LMX1B: variants seen among roughly 807,000 people sequenced by gnomAD.
LMX1B encodes LIM homeobox transcription factor 1-beta.
In LMX1B, 12 loss-of-function variants were observed where a neutral mutation model predicts 51.4. That is an observed-to-expected ratio of 0.23 (90% CI 0.15 to 0.38). The LOEUF is 0.38. Ranked by LOEUF, LMX1B falls within the 10% of genes least tolerant of loss-of-function variation. The pLI, the probability that LMX1B is intolerant of heterozygous loss-of-function variation, is 1.00. For synonymous variants in LMX1B, 237 were observed against 235.4 expected, an observed-to-expected ratio of 1.01 and a Z score of -0.06; for missense variants, 445 against 571.1, an observed-to-expected ratio of 0.78 and a Z score of 2.25.
intron 2 of LMX1B, among the ~76,000 whole-genome samples, chr9:126,681,412 G>C (rs1053543954): frequency 8.5e-5 from 13 of 152,240 alleles, no homozygotes; most frequent in African/African-American, 3.1e-4. Flanking sequence ...CGGATGCTCA[G>C]CCAGGAGATC....
In LMX1B at chr9:126,690,815, G is replaced by A. The variant is rs767716334; in HGVS notation, c.327-21G>A. The A allele has an allele frequency of 9.5e-6, 15 of 1,587,070 alleles. No homozygotes were observed. In the African/African-American group the frequency reaches 1.5e-4, roughly 16 times the overall value. ...AGGGACTTCTGAGCACCGCCAACACGCCCGCTTTGTGCATCCGCAGGCTCT... is the reference window on the plus strand; with the variant it reads ...AGGGACTTCTGAGCACCGCCAACACACCCGCTTTGTGCATCCGCAGGCTCT... On this transcript the variant is annotated intron_variant, in intron 2 of 7. Coordinates refer to ENST00000373474, the MANE Select transcript of LMX1B (RefSeq NM_001174147.2).
chr9:126,616,942 G>A (rs1430376924), intron 2 of LMX1B, among the ~76,000 whole-genome samples: 1 of 152,214 alleles, frequency 6.6e-6, no homozygotes, highest in African/African-American at 2.4e-5. Context: ...AGGGATTGGA[G>A]TCCATTCAGA....
intron 2 of LMX1B, among the ~76,000 whole-genome samples, chr9:126,659,872 A>T (rs1236266516): frequency 1.6e-5 from 2 of 127,246 alleles, no homozygotes; most frequent in African/African-American, 6.2e-5. Flanking sequence ...GGCCTTAGAG[A>T]TTGTCCTATC....
At chr9:126,628,410 A>G (rs1425950819) in intron 2 of LMX1B, among the ~76,000 whole-genome samples, 2 of 152,116 alleles carry the variant, frequency 1.3e-5, no homozygotes, top group African/African-American at 4.8e-5. Context: ...ATCCTGGGGG[A>G]AAAAAGAGTT....
Position 126,615,708 on chromosome 9 carries a change from T to C in LMX1B, c.326+139T>C, listed in dbSNP as rs1835291496. 1 of 753,968 alleles carries C rather than the reference T, an allele frequency of 1.3e-6. No individual in the cohort carries two copies. Among genetic ancestry groups the C allele is most frequent in the Admixed American group, 3.9e-5 (1 of 25,652 alleles). 46.7% of individuals were successfully genotyped at this position (753,968 alleles called of 1,614,324 possible). On this transcript the variant is annotated intron_variant, in intron 2 of 7. Transcript: ENST00000373474. This position sits in a 1 kb window ranked among gnomAD's most constrained non-coding sequence, Gnocchi z 6.0. ...GGGCAGCTCCAAGGGTTCCGAGAGCTGCGCGTCTTGGGGCTGGGGCGGACC... is the reference window on the plus strand; with the variant it reads ...GGGCAGCTCCAAGGGTTCCGAGAGCCGCGCGTCTTGGGGCTGGGGCGGACC...
intron 2 of LMX1B, among the ~76,000 whole-genome samples, chr9:126,651,141 C>G (rs762578212): frequency 2.6e-5 from 4 of 152,124 alleles, no homozygotes; most frequent in African/African-American, 7.2e-5. Context: ...CTCTCTCTCT[C>G]TCTCCCTCCC....
rs535886274 is a variant in LMX1B at position 126,640,626 on chromosome 9, G to T, written c.326+25057G>T. 10 of 152,478 alleles carry T rather than the reference G, an allele frequency of 6.6e-5. No homozygotes were observed. In the East Asian group the frequency reaches 1.9e-3, roughly 29 times the overall value. 9.4% of individuals were successfully genotyped at this position (152,478 alleles called of 1,614,324 possible). A position where few individuals can be genotyped will look rare whatever the true frequency, so the allele number is the denominator to read the frequency against. On this transcript the variant is annotated intron_variant, in intron 2 of 7. Transcript: ENST00000373474. The stretch of plus-strand genomic sequence containing the variant: ...GTACCCACCTGTACCTCTCCTTCTT[G>T]TCCTGGCCTCCTTGGGAAGGGTAGG...
chr9:126,677,046 G>A lies in LMX1B; in HGVS notation c.327-13790G>A, dbSNP rs2118958033. Among the ~76,000 whole-genome samples the A allele has an allele frequency of 6.6e-6, 1 of 152,306 alleles. No homozygotes were observed. Among genetic ancestry groups the A allele is most frequent in the South Asian group, 2.1e-4 (1 of 4,830 alleles). Reference sequence around the variant, plus strand: ...GCTCAGGCAGGCAGCGGGCGGCTGGGGCGGGGCATGGGGCGATCAGTTACC... The same window carrying A: ...GCTCAGGCAGGCAGCGGGCGGCTGGAGCGGGGCATGGGGCGATCAGTTACC... On this transcript the variant is annotated intron_variant, in intron 2 of 7. Transcript: ENST00000373474. This position sits in a 1 kb window ranked among gnomAD's most constrained non-coding sequence, Gnocchi z 5.0.
At chr9:126,687,942 G>A (rs530170711) in intron 2 of LMX1B, among the ~76,000 whole-genome samples, 1 of 152,250 alleles carries the variant, frequency 6.6e-6, no homozygotes, top group South Asian at 2.1e-4. Flanking sequence ...TCCCATACAC[G>A]CCATTAGTCG....
rs767881486 is a variant in LMX1B, at chr9:126,626,783, C to A, written c.326+11214C>A. ...TAGGTTTCAGCGCCTCCGCCCCACC[C>A]CCAGCCCCGCGGCGGTGATTTGTGT... On this transcript the variant is annotated intron_variant, in intron 2 of 7. Coordinates refer to ENST00000373474, the MANE Select transcript of LMX1B (RefSeq NM_001174147.2). This position sits in a 1 kb window ranked among gnomAD's most constrained non-coding sequence, Gnocchi z 4.3. Among the ~76,000 whole-genome samples, 92 of 152,334 alleles carry A rather than the reference C, an allele frequency of 6.0e-4. No homozygotes were observed. Among genetic ancestry groups the A allele is most frequent in the Middle Eastern group, 6.8e-3 (2 of 292 alleles).
Position 126,695,336 on chromosome 9 carries a change from T to C in LMX1B, c.887-503T>C, listed in dbSNP as rs996888413. 6.6e-6 allele frequency among the ~76,000 whole-genome samples: 1 copy of C among 152,156 alleles called. No individual in the cohort carries two copies. Among genetic ancestry groups the C allele is most frequent in the Non-Finnish European group, 1.5e-5 (1 of 68,020 alleles). ...CCCCACACCGACCTCTCTCCCTGCC[T>C]CTTGGCCCCACGTGCTGCACCCTCA... On this transcript the variant is annotated intron_variant, in intron 6 of 7. Transcript: ENST00000373474. This position sits in a 1 kb window ranked among gnomAD's most constrained non-coding sequence, Gnocchi z 5.2.
At chr9:126,639,014 A>G (rs1461238415) in intron 2 of LMX1B, among the ~76,000 whole-genome samples, 1 of 145,884 alleles carries the variant, frequency 6.9e-6, no homozygotes, top group Non-Finnish European at 1.5e-5. Context: ...AGAATTGGAG[A>G]GGAGAGAGAA....
intron 2 of LMX1B, among the ~76,000 whole-genome samples, chr9:126,621,655 CTTTTTTTTTTTTT>C (rs71377950): frequency 1.5e-4 from 17 of 116,870 alleles, no homozygotes; most frequent in East Asian, 7.3e-4. Flanking sequence ...TCTCTCTCTT[CTTTTTTTTTTTTT>C]TTTTTTTTTT....
chr9:126,679,959 T>C (rs1357242451), intron 2 of LMX1B, among the ~76,000 whole-genome samples: 1 of 152,204 alleles, frequency 6.6e-6, no homozygotes, highest in Admixed American at 6.5e-5. Context: ...CGGCTAAGTT[T>C]GAATGTCTTC....
intron 2 of LMX1B, among the ~76,000 whole-genome samples, chr9:126,652,000 T>TG (rs5900714): frequency 0.43 from 63,692 of 148,662 alleles, 13,836 homozygotes; most frequent in East Asian, 0.56. Flanking sequence ...TGGCCAGAGA[T>TG]GGGGGGGGGC....
rs1025141251 is a variant in LMX1B, at chr9:126,626,734, G to C, written c.326+11165G>C. On this transcript the variant is annotated intron_variant, in intron 2 of 7. Coordinates refer to ENST00000373474, the MANE Select transcript of LMX1B (RefSeq NM_001174147.2). The surrounding 1 kb of genome is among the most constrained non-coding windows in gnomAD (Gnocchi z 4.3). ...CGAGCGAGGGAAGGAGCAAGGAGGC[G>C]GCGGCGGAGCAAACTCTGCGGATTA... Among the ~76,000 whole-genome samples the C allele has an allele frequency of 1.3e-5, 2 of 152,222 alleles. No homozygotes were observed. Among genetic ancestry groups the C allele is most frequent in the African/African-American group, 4.8e-5 (2 of 41,464 alleles).
chr9:126,677,747 C>G lies in LMX1B; in HGVS notation c.327-13089C>G, dbSNP rs550627668. ...GAGCGTCTGCCAGCTTCATTCACAGCCTGCGTTCAAACATTCGAGCAGGAG... is the reference window on the plus strand; with the variant it reads ...GAGCGTCTGCCAGCTTCATTCACAGGCTGCGTTCAAACATTCGAGCAGGAG... On this transcript the variant is annotated intron_variant, in intron 2 of 7. Transcript: ENST00000373474. This position sits in a 1 kb window ranked among gnomAD's most constrained non-coding sequence, Gnocchi z 5.0. 6.6e-6 allele frequency among the ~76,000 whole-genome samples: 1 copy of G among 152,144 alleles called. No individual in the cohort carries two copies. The highest frequency in any genetic ancestry group is 1.5e-5 in the Non-Finnish European group (1 of 68,022).
At chr9:126,678,374 C>T (rs2118960979) in intron 2 of LMX1B, among the ~76,000 whole-genome samples, 1 of 151,874 alleles carries the variant, frequency 6.6e-6, no homozygotes. Flanking sequence ...CCACAGGAGC[C>T]TAACCAAGAA....
chr9:126,617,647 T>C (rs1835328570), intron 2 of LMX1B, among the ~76,000 whole-genome samples: 1 of 151,926 alleles, frequency 6.6e-6, no homozygotes, highest in Admixed American at 6.6e-5. Flanking sequence ...TTGTCCAAAG[T>C]ATATTTGTTT....
Sources: allele counts gnomAD v4.1 joint callset (sites outside exome capture counted in the v4.1 genomes callset), GRCh38; gene constraint gnomAD v4.1.1; non-coding constraint Gnocchi (gnomAD v3.1); transcripts MANE v1.5; gene names NCBI Gene and HGNC (gene_info 2026-07-23, HGNC 2026-07-21).